Variants in TUBB3 observed in about 807,000 individuals in gnomAD.
TUBB3 encodes the protein tubulin beta 3 class III.
A neutral mutation model predicts 37.8 loss-of-function variants in TUBB3; 17 were observed. The ratio of observed to expected loss-of-function variants is 0.45; its 90% CI spans 0.31 to 0.67. TUBB3 has a LOEUF of 0.67. Ranked by LOEUF, TUBB3 falls within the 30% of genes least tolerant of loss-of-function variation. The pLI, the probability that TUBB3 is intolerant of heterozygous loss-of-function variation, is 0.07. For synonymous variants in TUBB3, 332 were observed against 278.9 expected (o/e 1.19, Z -1.90); for missense variants, 262 against 657.9 (o/e 0.40, Z 6.58).
chr16:89,932,161 G>C (rs920792687), intron 1 of TUBB3: 2 of 325,758 alleles, frequency 6.1e-6, no homozygotes, highest in East Asian at 1.6e-4. Context: ...GCCAGCTACT[G>C]TGGGTGTCTC....
At chr16:89,933,202 G>A (rs1350696486) in intron 2 of TUBB3, 1 of 673,026 alleles carries the variant, frequency 1.5e-6, no homozygotes, top group Admixed American at 2.0e-5. Flanking sequence ...TGTTGGGAGT[G>A]CAGACACGAG....
upstream of TUBB3, chr16:89,921,936 C>T (rs1265413525): frequency 6.6e-6 from 1 of 152,398 alleles, no homozygotes; most frequent in African/African-American, 2.4e-5. Context: ...CCAGACCCCT[C>T]TGAGGATGGA....
intron 1 of TUBB3, 147 bp from the exon 2 acceptor site, chr16:89,932,424 T>A: frequency 1.5e-6 from 1 of 682,798 alleles, no homozygotes; most frequent in South Asian, 1.6e-5. Context: ...GGTAACAGAG[T>A]GTGGGGCTCT....
chr16:89,927,535 A>G (rs879870220), intron 1 of TUBB3, among the ~76,000 whole-genome samples: 3 of 152,212 alleles, frequency 2.0e-5, no homozygotes, highest in African/African-American at 7.2e-5. Context: ...ACCTCTCTCT[A>G]TCCAAGTGGG....
chr16:89,928,638 A>C (rs930873774), intron 1 of TUBB3, among the ~76,000 whole-genome samples: 2 of 151,164 alleles, frequency 1.3e-5, no homozygotes, highest in Admixed American at 1.3e-4. Context: ...CATTCTCCTG[A>C]GTCAGCCTCC....
At position 89,923,347 on chromosome 16, in the gene TUBB3, C is replaced by T. The variant is rs1004977097; in HGVS notation, c.-55C>T. The T allele has an allele frequency of 3.0e-5, 43 of 1,412,484 alleles. No individual in the cohort carries two copies. The highest frequency in any genetic ancestry group is 3.7e-5 in the Non-Finnish European group (40 of 1,072,962). 87.5% of individuals were successfully genotyped at this position (1,412,484 alleles called of 1,614,324 possible). A position where few individuals can be genotyped will look rare whatever the true frequency, so the allele number is the denominator to read the frequency against. On this transcript the variant is annotated 5_prime_UTR_variant, in exon 1 of 4. Coordinates refer to ENST00000315491, the MANE Select transcript of TUBB3 (RefSeq NM_006086.4). ...CGCGGCCGCGGTCCCCGACCCTCAG[C>T]AGCCAGCCCGGCCCGCCCGCGCCCG... is the stretch of plus-strand genomic sequence containing the variant.
Position 89,933,649 on chromosome 16 carries a change from C to T in TUBB3, c.277+71C>T, listed in dbSNP as rs530341826. The T allele has an allele frequency of 5.4e-5, 65 of 1,197,534 alleles. No individual in the cohort carries two copies. In the Admixed American group the frequency reaches 5.9e-4, roughly 11 times the overall value. 74.2% of individuals were successfully genotyped at this position (1,197,534 alleles called of 1,614,324 possible). On this transcript the variant is annotated intron_variant, in intron 3 of 3. Transcript: ENST00000315491. ...GCAAGCCCAGGTCGGTGGACGGGGA[C>T]GGCTGTGAGAAACAAGGAATGGTCA...
At position 89,935,769 on chromosome 16, in the gene TUBB3, G is replaced by A. The variant is rs781596774; in HGVS notation, c.1318G>A (p.Asp440Asn). 2.6e-5 allele frequency: 42 copies of A among 1,613,822 alleles called. No individual in the cohort carries two copies. Among genetic ancestry groups the A allele is most frequent in the South Asian group, 2.5e-4 (23 of 91,082 alleles). ...GGAAGAGGGCGAGATGTACGAAGAC[G>A]ACGAGGAGGAGTCGGAGGCCCAGGG... Reference protein sequence around the residue: ...AEEEGEMYEDDEEESEAQGPK With the variant: ...AEEEGEMYEDNEEESEAQGPK The change falls in exon 4 of 4, where the codon GAC becomes AAC. Residue 440 changes from aspartate (D) to asparagine (N), a missense_variant. Physicochemically the swap from Asp to Asn is conservative, Grantham distance 23 (BLOSUM62 1). Transcript: ENST00000315491.
chr16:89,935,882 T>C lies in TUBB3; in HGVS notation c.*78T>C, dbSNP rs1135425. The C allele has an allele frequency of 0.51, 765,202 of 1,505,206 alleles. 205,593 individuals carry two copies. The highest frequency in any genetic ancestry group is 0.88 in the East Asian group (36,101 of 40,836). The allele number at this position is 1,505,206 out of a possible 1,614,324, so 93.2% of individuals were successfully genotyped here. Reference sequence around the variant, plus strand: ...AGTGTCTAAACCCCCGGAGCCATCTTGCTGCCGACACCCTGCTTTCCCCTC... The same window carrying C: ...AGTGTCTAAACCCCCGGAGCCATCTCGCTGCCGACACCCTGCTTTCCCCTC... On this transcript the variant is annotated 3_prime_UTR_variant, in exon 4 of 4. Transcript: ENST00000315491.
rs2030385814 is a variant in TUBB3 at position 89,934,519 on chromosome 16, T to A, written c.278-210T>A. On this transcript the variant is annotated intron_variant, in intron 3 of 3. Transcript: ENST00000315491. The stretch of plus-strand genomic sequence containing the variant: ...CTGTGACCCCAAGTTCTCAAGACTC[T>A]GTCCAGAGCCCTCGTCCTGAGCACT... 4 of 646,276 alleles carry A rather than the reference T, an allele frequency of 6.2e-6. No individual in the cohort carries two copies. In the African/African-American group the frequency reaches 7.2e-5, roughly 12 times the overall value. The allele number at this position is 646,276 out of a possible 1,614,324, so 40.0% of individuals were successfully genotyped here.
Position 89,935,886 on chromosome 16 carries a change from G to A in TUBB3, c.*82G>A, listed in dbSNP as rs529455090. Reference sequence around the variant, plus strand: ...TCTAAACCCCCGGAGCCATCTTGCTGCCGACACCCTGCTTTCCCCTCGCCC... The same window carrying A: ...TCTAAACCCCCGGAGCCATCTTGCTACCGACACCCTGCTTTCCCCTCGCCC... On this transcript the variant is annotated 3_prime_UTR_variant, in exon 4 of 4. Coordinates refer to ENST00000315491, the MANE Select transcript of TUBB3 (RefSeq NM_006086.4). 6 of 1,489,062 alleles carry A rather than the reference G, an allele frequency of 4.0e-6. No homozygotes were observed. The highest frequency in any genetic ancestry group is 4.9e-5 in the East Asian group (2 of 40,588). 92.2% of individuals were successfully genotyped at this position (1,489,062 alleles called of 1,614,324 possible).
intron 1 of TUBB3, among the ~76,000 whole-genome samples, chr16:89,925,350 G>T (rs1021396654): frequency 6.6e-6 from 1 of 151,964 alleles, no homozygotes; most frequent in Non-Finnish European, 1.5e-5. Flanking sequence ...CCAGCACTTT[G>T]GGAGACTGAA....
Position 89,933,628 on chromosome 16 carries a change from G to T in TUBB3, c.277+50G>T, listed in dbSNP as rs759014370. 11 of 1,457,052 alleles carry T rather than the reference G, an allele frequency of 7.5e-6. No homozygotes were observed. The Admixed American group carries it at 1.2e-4, about 15-fold the overall frequency. The allele number at this position is 1,457,052 out of a possible 1,614,324, so 90.3% of individuals were successfully genotyped here. On this transcript the variant is annotated intron_variant, in intron 3 of 3. Transcript: ENST00000315491. ...TGATGGCAGACCCCATCACAGGCAA[G>T]CCCAGGTCGGTGGACGGGGACGGCT... is the stretch of plus-strand genomic sequence containing the variant.
At chr16:89,929,782 A>T (rs1283166464) in intron 1 of TUBB3, among the ~76,000 whole-genome samples, 1 of 151,894 alleles carries the variant, frequency 6.6e-6, no homozygotes, top group Non-Finnish European at 1.5e-5. Flanking sequence ...GCTCACTGCA[A>T]CCTCCACCTC....
At chr16:89,922,880 C>T (rs1350568172), upstream of TUBB3, among the ~76,000 whole-genome samples, 5 of 152,252 alleles carry the variant, frequency 3.3e-5, no homozygotes, top group Non-Finnish European at 5.9e-5. Flanking sequence ...CACCCAAAAC[C>T]GGCAAAAGCT....
In TUBB3 at chr16:89,931,692, G is replaced by A. The variant is rs140657497; in HGVS notation, c.58-879G>A. The A allele has an allele frequency of 6.4e-3, 1,279 of 200,406 alleles. 9 individuals carry two copies. The highest frequency in any genetic ancestry group is 0.01 in the Non-Finnish European group (913 of 89,308). 12.4% of individuals were successfully genotyped at this position (200,406 alleles called of 1,614,324 possible). A position where few individuals can be genotyped will look rare whatever the true frequency, so the allele number is the denominator to read the frequency against. On this transcript the variant is annotated intron_variant, in intron 1 of 3. Transcript: ENST00000315491. Reference sequence around the variant, plus strand: ...TGCCCATTGTACAGATGAGGACACTGAGACACGGAATCCTAGTGACCTGTG... The same window carrying A: ...TGCCCATTGTACAGATGAGGACACTAAGACACGGAATCCTAGTGACCTGTG...
At chr16:89,927,132 T>A (rs1316133814) in intron 1 of TUBB3, among the ~76,000 whole-genome samples, 1 of 151,306 alleles carries the variant, frequency 6.6e-6, no homozygotes, top group Non-Finnish European at 1.5e-5. Flanking sequence ...CCCAGCACTT[T>A]GGGAGGCCGA....
intron 1 of TUBB3, among the ~76,000 whole-genome samples, chr16:89,926,825 C>G (rs1411595050): frequency 6.6e-6 from 1 of 152,142 alleles, no homozygotes; most frequent in East Asian, 1.9e-4. Flanking sequence ...TCAAGCTATT[C>G]TCCTGCCTCA....
rs2030343009 is a variant in TUBB3, at chr16:89,933,472, C to T, written c.171C>T (p.His57=). The T allele has an allele frequency of 1.5e-5, 25 of 1,613,854 alleles. 1 individual carries two copies. Among genetic ancestry groups the T allele is most frequent in the Non-Finnish European group, 1.9e-5 (23 of 1,179,766 alleles). Residue 57 remains histidine (H), a synonymous_variant, in exon 3 of 4, where the codon CAC becomes CAT. Coordinates refer to ENST00000315491, the MANE Select transcript of TUBB3 (RefSeq NM_006086.4). The part of the protein sequence containing the change: ...ISVYYNEASS[H]KYVPRAILVD... The stretch of plus-strand genomic sequence containing the variant: ...CGAGCCCCTCTCTCCCCTCAGCTCA[C>T]AAGTACGTGCCTCGAGCCATTCTGG...
Sources: allele counts gnomAD v4.1 joint callset (sites outside exome capture counted in the v4.1 genomes callset), GRCh38; gene constraint gnomAD v4.1.1; transcripts MANE v1.5; gene names NCBI Gene and HGNC (gene_info 2026-07-23, HGNC 2026-07-21).